Variants in WDR59 observed in about 807,000 individuals in gnomAD.
WDR59 encodes GATOR2 complex protein WDR59.
WDR59 carries 100 observed loss-of-function variants against 131.2 expected under a neutral mutation model. That is an observed-to-expected ratio of 0.76 (90% CI 0.65 to 0.90). The LOEUF (loss-of-function observed/expected upper bound fraction) is 0.90. Ranked by LOEUF, WDR59 falls within the 40% of genes least tolerant of loss-of-function variation. The pLI is 0.00. For synonymous variants in WDR59, 601 were observed against 466.2 expected, an observed-to-expected ratio of 1.29 and a Z score of -3.72; for missense variants, 1,203 against 1,262.2, an observed-to-expected ratio of 0.95 and a Z score of 0.71.
At chr16:74,953,170 T>G (rs1174326751) in intron 3 of WDR59, among the ~76,000 whole-genome samples, 1 of 152,108 alleles carries the variant, frequency 6.6e-6, no homozygotes, top group African/African-American at 2.4e-5. Context: ...AACTAAAGCT[T>G]TCTCAAAAGG....
intron 8 of WDR59, 96 bp downstream of exon 8, chr16:74,938,054 T>G: frequency 1.2e-6 from 1 of 852,410 alleles, no homozygotes; most frequent in Non-Finnish European, 1.8e-6. Flanking sequence ...ATACATACTG[T>G]GCTAACACAC....
intron 9 of WDR59, among the ~76,000 whole-genome samples, chr16:74,923,581 G>A (rs933079780): frequency 2.0e-5 from 3 of 151,974 alleles, no homozygotes; most frequent in African/African-American, 7.3e-5. Context: ...GGGTTCAAGC[G>A]ATTCTCCTGC....
intron 1 of WDR59, among the ~76,000 whole-genome samples, chr16:74,971,157 T>G (rs1041454368): frequency 6.6e-6 from 1 of 152,144 alleles, no homozygotes; most frequent in African/African-American, 2.4e-5. Context: ...ATATTTTTGG[T>G]GGTTTCTCTT....
At chr16:74,949,601 A>G in intron 5 of WDR59, 117 bp downstream of exon 5, 1 of 804,656 alleles carries the variant, frequency 1.2e-6, no homozygotes, top group Non-Finnish European at 2.0e-6. Flanking sequence ...CAAATCTCTC[A>G]CTCAAACTTG....
intron 3 of WDR59, among the ~76,000 whole-genome samples, chr16:74,954,631 C>T (rs1238101467): frequency 6.6e-6 from 1 of 152,146 alleles, no homozygotes; most frequent in Non-Finnish European, 1.5e-5. Context: ...TATGACCCTG[C>T]AATTCCACTC....
intron 20 of WDR59, among the ~76,000 whole-genome samples, chr16:74,892,010 G>A (rs956106283): frequency 6.6e-6 from 1 of 152,076 alleles, no homozygotes; most frequent in African/African-American, 2.4e-5. Context: ...CAGTTAAGCC[G>A]TTTAAAAAAA....
In WDR59 at chr16:74,886,559, C is replaced by T. The variant is rs544153451; in HGVS notation, c.2420-163G>A. ...TAACTAAATAGAACTCTCTCCTACC[C>T]TTGCCTTTTTGCGCAGGTATTTATT... On this transcript the variant is annotated intron_variant, in intron 23 of 25. Coordinates refer to ENST00000262144, the MANE Select transcript of WDR59 (RefSeq NM_030581.4). The T allele has an allele frequency of 1.9e-5, 19 of 985,272 alleles. No individual in the cohort carries two copies. The African/African-American group carries it at 2.5e-4, about 13-fold the overall frequency. The allele number at this position is 985,272 out of a possible 1,614,324, so 61.0% of individuals were successfully genotyped here.
chr16:74,942,834 G>A lies in WDR59; in HGVS notation c.446-8C>T. On this transcript the variant is annotated splice_region_variant and splice_polypyrimidine_tract_variant and intron_variant, in intron 6 of 25. Coordinates refer to ENST00000262144, the MANE Select transcript of WDR59 (RefSeq NM_030581.4). ...TGACCTGGGAGGCACCCGCTGCAAA[G>A]AAAAATCAGGGAAGAAAGCTGCTGC... 6.2e-7 allele frequency: 1 copy of A among 1,612,532 alleles called. No individual in the cohort carries two copies. Among genetic ancestry groups the A allele is most frequent in the Middle Eastern group, 1.7e-4 (1 of 6,034 alleles).
chr16:74,945,349 C>G (rs762321923), intron 6 of WDR59, among the ~76,000 whole-genome samples: 1 of 137,540 alleles, frequency 7.3e-6, no homozygotes, highest in Non-Finnish European at 1.6e-5. Flanking sequence ...TGGTGGCGGG[C>G]GCCTGCAGTC....
intron 25 of WDR59, among the ~76,000 whole-genome samples, chr16:74,884,605 C>A (rs972032232): frequency 1.3e-5 from 2 of 152,224 alleles, no homozygotes; most frequent in African/African-American, 4.8e-5. Flanking sequence ...GACTTGGCCT[C>A]CCAAAGTGCT....
chr16:74,889,805 A>G lies in WDR59; in HGVS notation c.2093T>C (p.Leu698Pro), dbSNP rs1567691466. 6.2e-7 allele frequency: 1 copy of G among 1,614,042 alleles called. No individual in the cohort carries two copies. Among genetic ancestry groups the G allele is most frequent in the East Asian group, 2.2e-5 (1 of 44,890 alleles). Residue 698 changes from leucine to proline, a missense_variant, in exon 21 of 26, where the codon CTG becomes CCG. Coordinates refer to ENST00000262144, the MANE Select transcript of WDR59 (RefSeq NM_030581.4). Reference sequence around the variant, plus strand: ...GCAAAGATCTGTAGCTACCGTAGCCAGCGACCAAACCTGGACAGATCAAAG... The same window carrying G: ...GCAAAGATCTGTAGCTACCGTAGCCGGCGACCAAACCTGGACAGATCAAAG... ...GRKDLVQVWSLATVATDLCLG... is the reference protein window; with the variant it reads ...GRKDLVQVWSPATVATDLCLG...
chr16:74,917,490 C>T (rs945594498), intron 11 of WDR59, among the ~76,000 whole-genome samples: 1 of 152,134 alleles, frequency 6.6e-6, no homozygotes, highest in Non-Finnish European at 1.5e-5. Flanking sequence ...ACACCAGCTA[C>T]TCAGCCAACC....
chr16:74,917,368 C>T (rs2144975557), intron 11 of WDR59, among the ~76,000 whole-genome samples: 1 of 152,300 alleles, frequency 6.6e-6, no homozygotes, highest in South Asian at 2.1e-4. Context: ...GGGAGCTACC[C>T]ATACTATCTT....
At chr16:74,976,520 GA>G (rs1436141940) in intron 1 of WDR59, among the ~76,000 whole-genome samples, 3 of 149,260 alleles carry the variant, frequency 2.0e-5, no homozygotes, top group African/African-American at 7.4e-5. Context: ...TTGGCTCCCT[GA>G]ACCTCCACCT....
At chr16:74,982,519 T>G (rs1204788362) in intron 1 of WDR59, among the ~76,000 whole-genome samples, 2 of 152,196 alleles carry the variant, frequency 1.3e-5, no homozygotes, top group Non-Finnish European at 2.9e-5. Context: ...TACATCTCTA[T>G]AAACAGGCAG....
chr16:74,879,087 T>G (rs1184278742), intron 25 of WDR59, among the ~76,000 whole-genome samples: 1 of 152,206 alleles, frequency 6.6e-6, no homozygotes, highest in Admixed American at 6.5e-5. Context: ...GAGCAGCTTC[T>G]CATGCCTGTA....
At chr16:74,960,120 A>T (rs1283694484) in intron 2 of WDR59, among the ~76,000 whole-genome samples, 1 of 151,916 alleles carries the variant, frequency 6.6e-6, no homozygotes, top group Non-Finnish European at 1.5e-5. Context: ...GCCTGAGCTC[A>T]GGGGCTTGAG....
chr16:74,891,873 G>A (rs1274863851), intron 20 of WDR59, among the ~76,000 whole-genome samples: 1 of 152,178 alleles, frequency 6.6e-6, no homozygotes, highest in African/African-American at 2.4e-5. Flanking sequence ...GTGGTGAGCT[G>A]AGATCGTGCC....
intron 8 of WDR59, among the ~76,000 whole-genome samples, chr16:74,931,243 C>T (rs1567405527): frequency 6.6e-6 from 1 of 151,972 alleles, no homozygotes; most frequent in Non-Finnish European, 1.5e-5. Flanking sequence ...ATCATTTCCA[C>T]AAAATATTTA....
Sources: gnomAD v4.1 joint callset for allele counts (sites outside exome capture counted in the v4.1 genomes callset) on GRCh38, gnomAD v4.1.1 for gene constraint, MANE v1.5 for transcripts, NCBI Gene and HGNC (gene_info 2026-07-23, HGNC 2026-07-21) for gene names.